Variants in GOLGA1 observed in about 807,000 individuals in gnomAD.
GOLGA1 encodes golgin subfamily A member 1.
GOLGA1 carries 63 observed loss-of-function variants against 119.7 expected under a neutral mutation model. The observed-to-expected ratio is 0.53, with a 90% CI of 0.43 to 0.65. GOLGA1 has a LOEUF of 0.65. GOLGA1 is among the 30% of genes least tolerant of loss of function. GOLGA1 has a pLI of 0.00. For synonymous variants in GOLGA1, 318 were observed against 333.4 expected (o/e 0.95, Z 0.50); for missense variants, 798 against 912.8 (o/e 0.87, Z 1.62).
At chr9:124,933,205 T>C (rs909226056) in intron 3 of GOLGA1, among the ~76,000 whole-genome samples, 3 of 152,180 alleles carry the variant, frequency 2.0e-5, no homozygotes, top group Non-Finnish European at 2.9e-5. Flanking sequence ...CTAAGTGCTT[T>C]AGATTCTACG....
chr9:124,889,387 C>T, intron 17 of GOLGA1, 47 bp downstream of exon 17: 5 of 1,592,328 alleles, frequency 3.1e-6, no homozygotes, highest in South Asian at 1.1e-5. Context: ...AGGCAGGATG[C>T]TGGGCCTGAA....
In GOLGA1 at chr9:124,926,748, CAA is replaced by C. The variant is rs747375071; in HGVS notation, c.400-9_400-8del. 9.8e-6 allele frequency: 15 copies of C among 1,530,138 alleles called. No homozygotes were observed. The African/African-American group carries it at 2.0e-4, about 20-fold the overall frequency. The allele number at this position is 1,530,138 out of a possible 1,614,324, so 94.8% of individuals were successfully genotyped here. ...CCATCTTTTCTGACCATTCCTAAAA[CAA>C]AACAATAAAAAAGTATGGTTTCCAG... On this transcript the variant is annotated splice_polypyrimidine_tract_variant and splice_region_variant and intron_variant, in intron 6 of 22. Coordinates refer to ENST00000373555, the MANE Select transcript of GOLGA1 (RefSeq NM_002077.4).
chr9:124,936,922 C>T (rs1830881573), intron 3 of GOLGA1, among the ~76,000 whole-genome samples: 1 of 152,094 alleles, frequency 6.6e-6, no homozygotes, highest in South Asian at 2.1e-4. Context: ...TTTATGAATA[C>T]ATACATATCT....
At chr9:124,912,719 T>C (rs1215130041) in intron 10 of GOLGA1, among the ~76,000 whole-genome samples, 1 of 152,154 alleles carries the variant, frequency 6.6e-6, no homozygotes, top group Non-Finnish European at 1.5e-5. Context: ...ATTTTTTGTA[T>C]TTTTAGTAGA....
chr9:124,906,973 G>T (rs895701330), intron 12 of GOLGA1, among the ~76,000 whole-genome samples: 2 of 151,980 alleles, frequency 1.3e-5, no homozygotes, highest in Admixed American at 1.3e-4. Context: ...TACATTTAAT[G>T]CAATCCCAAT....
At position 124,911,891 on chromosome 9, in the gene GOLGA1, C is replaced by A; in HGVS notation, c.969+10G>T. 1 of 1,610,088 alleles carries A rather than the reference C, an allele frequency of 6.2e-7. No homozygotes were observed. The highest frequency in any genetic ancestry group is 8.5e-7 in the Non-Finnish European group (1 of 1,177,066). On this transcript the variant is annotated intron_variant, in intron 11 of 22. Transcript: ENST00000373555. ...CCAACACCAGCCAGCCCAAAGAGAA[C>A]AGAAGTTACCTCTTTCAGGAGTTCT... is the stretch of plus-strand genomic sequence containing the variant.
rs1185291353 is a variant in GOLGA1 at position 124,909,761 on chromosome 9, A to T, written c.970-1289T>A. On this transcript the variant is annotated intron_variant, in intron 11 of 22. Coordinates refer to ENST00000373555, the MANE Select transcript of GOLGA1 (RefSeq NM_002077.4). The stretch of plus-strand genomic sequence containing the variant: ...GGGTAGGGCCAGAGATATATACTTT[A>T]TTTACTTATTTATTATTTTTGAGAT... 4.6e-5 allele frequency among the ~76,000 whole-genome samples: 7 copies of T among 151,992 alleles called. No homozygotes were observed. The East Asian group carries it at 1.4e-3, about 29-fold the overall frequency.
At chr9:124,929,530 A>C (rs904189386) in intron 4 of GOLGA1, among the ~76,000 whole-genome samples, 2 of 152,214 alleles carry the variant, frequency 1.3e-5, no homozygotes, top group Non-Finnish European at 2.9e-5. Context: ...TTTAGCCTTG[A>C]TAGAAAAACA....
At chr9:124,897,800 G>A (rs1453832606) in intron 15 of GOLGA1, among the ~76,000 whole-genome samples, 1 of 152,190 alleles carries the variant, frequency 6.6e-6, no homozygotes, top group African/African-American at 2.4e-5. Flanking sequence ...CATCAGATCT[G>A]ATTACTGGAA....
At chr9:124,924,408 T>A (rs993710780) in intron 7 of GOLGA1, among the ~76,000 whole-genome samples, 1 of 152,010 alleles carries the variant, frequency 6.6e-6, no homozygotes, top group African/African-American at 2.4e-5. Flanking sequence ...GGTGGGCCTA[T>A]CGGTTGAGCA....
chr9:124,897,309 A>G (rs987578231), intron 15 of GOLGA1, among the ~76,000 whole-genome samples: 2 of 152,236 alleles, frequency 1.3e-5, no homozygotes, highest in Non-Finnish European at 2.9e-5. Flanking sequence ...ACAAGAAAGG[A>G]ACTTTACCTA....
In GOLGA1 at chr9:124,882,515, C is replaced by T. The variant is rs762101549; in HGVS notation, c.1960G>A (p.Glu654Lys). The T allele has an allele frequency of 1.4e-5, 23 of 1,610,712 alleles. No homozygotes were observed. In the South Asian group the frequency reaches 2.1e-4, roughly 15 times the overall value. Residue 654 changes from glutamate to lysine, a missense_variant, in exon 20 of 23, where the codon GAG (glutamate) becomes AAG (lysine). By Grantham distance (56) the Glu-to-Lys change is moderately conservative. Transcript: ENST00000373555. ...MLELRKTLQK[E>K]LKIRPDNELF... is the part of the protein sequence containing the mutation. ...GCTCCCATGCGAGTACTCACCAGCT[C>T]CTTCTGCAGAGTCTTCCGGAGCTCC...
At chr9:124,917,134 C>G (rs1564338120) in intron 10 of GOLGA1, among the ~76,000 whole-genome samples, 1 of 151,844 alleles carries the variant, frequency 6.6e-6, no homozygotes. Context: ...ATAAAACTGA[C>G]AACATTAGAA....
intron 7 of GOLGA1, among the ~76,000 whole-genome samples, chr9:124,923,984 T>C (rs1830622145): frequency 6.6e-6 from 1 of 152,184 alleles, no homozygotes; most frequent in African/African-American, 2.4e-5. Context: ...GCTTCCTGAG[T>C]ACCTGAGACT....
At chr9:124,897,630 C>T (rs560867138) in intron 15 of GOLGA1, among the ~76,000 whole-genome samples, 3 of 152,286 alleles carry the variant, frequency 2.0e-5, no homozygotes, top group South Asian at 2.1e-4. Flanking sequence ...CGTGAGCCAC[C>T]GCACTGGCTC....
At chr9:124,929,422 G>C (rs1830734000) in intron 4 of GOLGA1, 132 bp from the exon 5 acceptor site, 1 of 676,174 alleles carries the variant, frequency 1.5e-6, no homozygotes, top group East Asian at 2.7e-5. Context: ...AGGAAAGCTA[G>C]ACAGACAGCC....
At chr9:124,884,326 A>G (rs1829665472) in intron 19 of GOLGA1, among the ~76,000 whole-genome samples, 2 of 152,238 alleles carry the variant, frequency 1.3e-5, no homozygotes, top group Admixed American at 6.5e-5. Context: ...ATAAAAATTT[A>G]TTCAAAGTCT....
intron 3 of GOLGA1, among the ~76,000 whole-genome samples, chr9:124,931,698 A>C (rs887446698): frequency 6.6e-6 from 1 of 152,192 alleles, no homozygotes; most frequent in Non-Finnish European, 1.5e-5. Flanking sequence ...CAAAAACTAT[A>C]TTTGCCATGA....
At chr9:124,887,749 G>A (rs1564321906) in intron 19 of GOLGA1, among the ~76,000 whole-genome samples, 1 of 152,144 alleles carries the variant, frequency 6.6e-6, no homozygotes. Flanking sequence ...ATTTATATAG[G>A]TGGAAAGGCT....
Sources: allele counts gnomAD v4.1 joint callset (sites outside exome capture counted in the v4.1 genomes callset), GRCh38; gene constraint gnomAD v4.1.1; transcripts MANE v1.5; gene names NCBI Gene and HGNC (gene_info 2026-07-23, HGNC 2026-07-21).